WNK1: variants seen among roughly 807,000 people sequenced by gnomAD.
The protein encoded by WNK1 is WNK lysine deficient protein kinase 1, also known as serine/threonine-protein kinase WNK1.
In WNK1, 38 loss-of-function variants were observed where a neutral mutation model predicts 222.8. The ratio of observed to expected loss-of-function variants is 0.17; its 90% CI spans 0.13 to 0.22. WNK1 has a LOEUF of 0.22. Among genes scored for constraint, WNK1 ranks in the 10% least tolerant of loss-of-function variants. The probability of loss-of-function intolerance (pLI) is 1.00; values close to 1 mark genes in which losing one functional copy is unlikely to be tolerated. For synonymous variants in WNK1, 1,090 were observed against 1,092.9 expected, an observed-to-expected ratio of 1.00 and a Z score of 0.05; for missense variants, 2,348 against 2,918.4, an observed-to-expected ratio of 0.80 and a Z score of 4.50.
chr12:883,455 A>G lies in WNK1; in HGVS notation c.3550A>G (p.Ile1184Val). Reference sequence around the variant, plus strand: ...GTCGTTTGTGGATCAAGTGCGAGAAATTATTGAAAAAGCTGATGAAATGCT... The same window carrying G: ...GTCGTTTGTGGATCAAGTGCGAGAAGTTATTGAAAAAGCTGATGAAATGCT... ...RESFVDQVRE[I>V]IEKADEMLSE... Residue 1184 changes from isoleucine to valine, a missense_variant, in exon 16 of 28, where the codon ATT becomes GTT. Ile to Val is a conservative substitution (Grantham distance 29). This residue lies in a region of WNK1 where 1,144 missense variants were observed against 1,273.6 expected (regional missense o/e 0.90). Transcript: ENST00000315939. 1.2e-6 allele frequency: 2 copies of G among 1,614,180 alleles called. No individual in the cohort carries two copies. The highest frequency in any genetic ancestry group is 1.7e-6 in the Non-Finnish European group (2 of 1,180,006).
At chr12:804,177 G>C (rs1053584801) in intron 1 of WNK1, among the ~76,000 whole-genome samples, 2 of 151,912 alleles carry the variant, frequency 1.3e-5, no homozygotes, top group Non-Finnish European at 2.9e-5. Flanking sequence ...ACATCTCCCT[G>C]CCTCCCCTGT....
chr12:842,235 T>C (rs932300750), intron 4 of WNK1, among the ~76,000 whole-genome samples: 7 of 152,226 alleles, frequency 4.6e-5, no homozygotes, highest in African/African-American at 1.7e-4. Flanking sequence ...TGAAGTTGAA[T>C]AGCAGCAAGT....
intron 1 of WNK1, among the ~76,000 whole-genome samples, chr12:756,313 A>G (rs1364698068): frequency 6.6e-6 from 1 of 152,118 alleles, no homozygotes; most frequent in Non-Finnish European, 1.5e-5. Flanking sequence ...CTGATACTTT[A>G]TTATCTTGGA....
At chr12:787,634 T>A (rs1365881610) in intron 1 of WNK1, among the ~76,000 whole-genome samples, 3 of 152,160 alleles carry the variant, frequency 2.0e-5, no homozygotes, top group Non-Finnish European at 4.4e-5. Flanking sequence ...TTAAAAAAAA[T>A]CTTTATCTTT....
intron 1 of WNK1, among the ~76,000 whole-genome samples, chr12:761,338 G>C (rs981755715): frequency 6.8e-6 from 1 of 147,988 alleles, no homozygotes; most frequent in African/African-American, 2.4e-5. Flanking sequence ...TTTTAGAAGA[G>C]TCCTCAGATA....
intron 1 of WNK1, among the ~76,000 whole-genome samples, chr12:767,486 C>G (rs924065622): frequency 8.6e-5 from 13 of 151,448 alleles, no homozygotes; most frequent in Admixed American, 4.0e-4. Flanking sequence ...CTCCTGACCC[C>G]GTGATCCACC....
At chr12:832,464 T>A (rs976696048) in intron 4 of WNK1, among the ~76,000 whole-genome samples, 1 of 152,374 alleles carries the variant, frequency 6.6e-6, no homozygotes, top group African/African-American at 2.4e-5. Flanking sequence ...AGTCAAAGAT[T>A]AATTATAATT....
chr12:833,722 TTTTTATTGCTTTATATTCCTTAAAATA>T (rs1227962566), intron 4 of WNK1, among the ~76,000 whole-genome samples: 2 of 152,212 alleles, frequency 1.3e-5, no homozygotes, highest in Non-Finnish European at 2.9e-5. Flanking sequence ...TTGCTTATTA[TTTTTATTGCTTTATATTCCTTAAAATA>T]TTTTAATCTA....
chr12:855,368 G>A (rs1197348285), intron 4 of WNK1, among the ~76,000 whole-genome samples: 1 of 152,150 alleles, frequency 6.6e-6, no homozygotes, highest in Non-Finnish European at 1.5e-5. Context: ...TTAGCCCTGC[G>A]AGTAGAATTC....
Position 908,498 on chromosome 12 carries a change from C to G in WNK1, c.6855C>G (p.Phe2285Leu), listed in dbSNP as rs1253517703. The G allele has an allele frequency of 1.9e-6, 3 of 1,614,194 alleles. No homozygotes were observed. Among genetic ancestry groups the G allele is most frequent in the Non-Finnish European group, 2.5e-6 (3 of 1,180,040 alleles). Residue 2285 changes from phenylalanine (F) to leucine (L), a missense_variant, in exon 28 of 28, where the codon TTC (phenylalanine) becomes TTG (leucine). Coordinates refer to ENST00000315939, the MANE Select transcript of WNK1 (RefSeq NM_018979.4). ...AGGGCCCTGGAATGGCAAGGAAGTTCTCTGCACCTGGGCAACTGTGCATCT... is the reference window on the plus strand; with the variant it reads ...AGGGCCCTGGAATGGCAAGGAAGTTGTCTGCACCTGGGCAACTGTGCATCT... ...NYEGPGMARK[F>L]SAPGQLCISM...
At chr12:891,264 AAGT>A (rs1185833181) in intron 22 of WNK1, among the ~76,000 whole-genome samples, 1 of 152,028 alleles carries the variant, frequency 6.6e-6, no homozygotes, top group Non-Finnish European at 1.5e-5. Flanking sequence ...TCAGCCTCCC[AAGT>A]ATCTGGGATT....
chr12:795,479 C>T (rs1213100275), intron 1 of WNK1, among the ~76,000 whole-genome samples: 1 of 151,810 alleles, frequency 6.6e-6, no homozygotes, highest in Non-Finnish European at 1.5e-5. Flanking sequence ...TCTCAGAGAT[C>T]TGATGGTTTG....
chr12:896,654 C>T lies in WNK1; in HGVS notation c.6167C>T (p.Ser2056Phe), dbSNP rs72650767. 1.6e-5 allele frequency: 25 copies of T among 1,609,410 alleles called. No homozygotes were observed. In the African/African-American group the frequency reaches 3.1e-4, roughly 20 times the overall value. Residue 2056 changes from serine to phenylalanine, a missense_variant, in exon 24 of 28, where the codon TCC becomes TTC. Physicochemically the swap from Ser to Phe is radical, Grantham distance 155. Transcript: ENST00000315939. ...LSQSLSNSFN[S>F]SYMSSDNESD... ...CAAAGCCTTAGTAATTCATTTAACT[C>T]CTCTTACATGAGTAGCGACAATGAG...
intron 10 of WNK1, 97 bp from the exon 11 acceptor site, chr12:879,476 T>TTTGGC: frequency 3.8e-6 from 3 of 780,472 alleles, no homozygotes; most frequent in Non-Finnish European, 3.9e-6. Flanking sequence ...TTTCCTTCTT[T>TTTGGC]TTGGCTAATA....
intron 4 of WNK1, among the ~76,000 whole-genome samples, chr12:855,098 T>C (rs192724048): frequency 6.6e-6 from 1 of 152,374 alleles, no homozygotes; most frequent in Admixed American, 6.5e-5. Flanking sequence ...TTTCTTGCAT[T>C]TCCTATTTTC....
intron 1 of WNK1, among the ~76,000 whole-genome samples, chr12:809,979 C>T (rs547098792): frequency 2.6e-4 from 39 of 152,248 alleles, no homozygotes; most frequent in African/African-American, 8.7e-4. Flanking sequence ...AGGCCGGGCA[C>T]GGTGGCTCAC....
In WNK1 at chr12:871,254, C is replaced by T. The variant is rs776406160; in HGVS notation, c.2140-11C>T. ...CTTCTCTAATTTGTTGTGTTCACTT[C>T]TTTCCTTCAGGCACAGGGGCAGAGC... On this transcript the variant is annotated splice_polypyrimidine_tract_variant and intron_variant, in intron 8 of 27. Transcript: ENST00000315939. 1 of 1,614,050 alleles carries T rather than the reference C, an allele frequency of 6.2e-7. No individual in the cohort carries two copies.
intron 5 of WNK1, among the ~76,000 whole-genome samples, chr12:858,226 G>A (rs758983480): frequency 3.4e-5 from 5 of 148,758 alleles, no homozygotes; most frequent in African/African-American, 7.5e-5. Flanking sequence ...GTCTTGTCAC[G>A]TCGCCTAGGC....
At chr12:854,193 C>T (rs1038914487) in intron 4 of WNK1, among the ~76,000 whole-genome samples, 1 of 151,644 alleles carries the variant, frequency 6.6e-6, no homozygotes, top group African/African-American at 2.4e-5. Flanking sequence ...CATAGCAAGA[C>T]TTTGTTTCTC....
Sources: gnomAD v4.1 joint callset for allele counts (sites outside exome capture counted in the v4.1 genomes callset) on GRCh38, gnomAD v4.1.1 for gene constraint, gnomAD v4.1.1 regional missense constraint, MANE v1.5 for transcripts, NCBI Gene and HGNC (gene_info 2026-07-23, HGNC 2026-07-21) for gene names.